The following ASB3 variants were observed in gnomAD, a reference collection of about 807,000 sequenced individuals.
The protein encoded by ASB3 is ankyrin repeat and SOCS box protein 3.
A neutral mutation model predicts 54.5 loss-of-function variants in ASB3; 41 were observed. The observed-to-expected ratio is 0.75, with a 90% CI of 0.59 to 0.98. The LOEUF (loss-of-function observed/expected upper bound fraction) is 0.98. Ranked by LOEUF, ASB3 falls within the 50% of genes least tolerant of loss-of-function variation. The probability of loss-of-function intolerance (pLI) is 0.00; values close to 1 mark genes in which losing one functional copy is unlikely to be tolerated. For missense variants in ASB3, 733 were observed against 620.0 expected (o/e 1.18, Z -1.94); for synonymous variants, 266 against 221.2 (o/e 1.20, Z -1.80).
intron 3 of ASB3, among the ~76,000 whole-genome samples, chr2:53,731,714 G>A (rs1472461381): frequency 5.3e-5 from 8 of 152,080 alleles, no homozygotes; most frequent in Non-Finnish European, 7.4e-5. Flanking sequence ...ATGCAATGGC[G>A]TGATCTCAGC....
rs989361695 is a variant in ASB3, at chr2:53,725,750, G to A, written c.604+2962C>T. Among the ~76,000 whole-genome samples the A allele has an allele frequency of 2.0e-5, 3 of 152,096 alleles. No individual in the cohort carries two copies. The South Asian group carries it at 6.2e-4, about 31-fold the overall frequency. On this transcript the variant is annotated intron_variant, in intron 5 of 9. Coordinates refer to ENST00000263634, the MANE Select transcript of ASB3 (RefSeq NM_016115.5). ...CACCTTGAATAAACCAAAGTTTTAT[G>A]TACGCAAAAACTACACAGAACACAA...
intron 3 of ASB3, among the ~76,000 whole-genome samples, chr2:53,733,258 TTAACTC>T (rs1477633803): frequency 6.6e-6 from 1 of 152,154 alleles, no homozygotes; most frequent in Non-Finnish European, 1.5e-5. Context: ...CAACAGCAAA[TTAACTC>T]TATCCAATTG....
chr2:53,714,115 G>C (rs535511453), intron 7 of ASB3, among the ~76,000 whole-genome samples: 2 of 152,094 alleles, frequency 1.3e-5, no homozygotes, highest in African/African-American at 4.8e-5. Context: ...GCAAATTTCT[G>C]CGTCTACTTA....
intron 7 of ASB3, among the ~76,000 whole-genome samples, chr2:53,705,578 G>A (rs975807376): frequency 3.9e-5 from 6 of 151,996 alleles, no homozygotes; most frequent in Non-Finnish European, 8.8e-5. Context: ...TCCTGTTTGG[G>A]TTTAACAGGC....
intron 3 of ASB3, among the ~76,000 whole-genome samples, chr2:53,746,467 T>A (rs1197472603): frequency 6.6e-6 from 1 of 150,488 alleles, no homozygotes; most frequent in Admixed American, 6.6e-5. Flanking sequence ...CCACACACTG[T>A]TTTTTGGGGG....
intron 3 of ASB3, among the ~76,000 whole-genome samples, chr2:53,740,667 G>A (rs1403998487): frequency 1.3e-5 from 2 of 152,108 alleles, no homozygotes. Context: ...ATGATCTTCT[G>A]GGCAAAACTC....
At chr2:53,740,724 C>G (rs1671887510) in intron 3 of ASB3, among the ~76,000 whole-genome samples, 1 of 152,074 alleles carries the variant, frequency 6.6e-6, no homozygotes, top group Non-Finnish European at 1.5e-5. Flanking sequence ...TATCCCAATC[C>G]AATCATCCAC....
At chr2:53,735,611 G>A (rs1339515994) in intron 3 of ASB3, among the ~76,000 whole-genome samples, 6 of 151,690 alleles carry the variant, frequency 4.0e-5, no homozygotes, top group South Asian at 2.1e-4. Context: ...ACCCAAAGGT[G>A]CTACAGGTAT....
chr2:53,704,141 A>T (rs1315626974), intron 7 of ASB3, among the ~76,000 whole-genome samples: 3 of 152,140 alleles, frequency 2.0e-5, no homozygotes, highest in Non-Finnish European at 4.4e-5. Context: ...CGGACAGATC[A>T]CTTGAGGCCA....
chr2:53,757,566 G>A (rs555001204), intron 2 of ASB3, among the ~76,000 whole-genome samples: 5 of 152,130 alleles, frequency 3.3e-5, no homozygotes, highest in African/African-American at 7.2e-5. Flanking sequence ...TACTTCCTCC[G>A]ATCCCTGCCT....
chr2:53,748,904 T>G (rs910183360), intron 3 of ASB3, among the ~76,000 whole-genome samples: 2 of 152,176 alleles, frequency 1.3e-5, no homozygotes, highest in African/African-American at 4.8e-5. Flanking sequence ...AACTTCCTGA[T>G]AAGATTATGA....
In ASB3 at chr2:53,670,307, T is replaced by C; in HGVS notation, c.*196A>G. ...GATGTTTACAATTTTTTTTTTTTTT[T>C]TTTTTTTTTTTACTGGGAAGGCTAG... On this transcript the variant is annotated 3_prime_UTR_variant, in exon 10 of 10. Coordinates refer to ENST00000263634, the MANE Select transcript of ASB3 (RefSeq NM_016115.5). The C allele has an allele frequency of 3.0e-5, 9 of 297,686 alleles. No homozygotes were observed. The highest frequency in any genetic ancestry group is 4.2e-5 in the Non-Finnish European group (7 of 168,040). 18.4% of individuals were successfully genotyped at this position (297,686 alleles called of 1,614,324 possible). A position where few individuals can be genotyped will look rare whatever the true frequency, so the allele number is the denominator to read the frequency against.
chr2:53,749,718 G>A (rs1672415200), intron 3 of ASB3, among the ~76,000 whole-genome samples: 1 of 151,968 alleles, frequency 6.6e-6, no homozygotes, highest in African/African-American at 2.4e-5. Flanking sequence ...AAGGCTATAT[G>A]GTGTATATTA....
At chr2:53,700,795 T>A (rs557320299) in intron 7 of ASB3, among the ~76,000 whole-genome samples, 6 of 152,224 alleles carry the variant, frequency 3.9e-5, no homozygotes, top group African/African-American at 1.4e-4. Context: ...TTAAAAAAAA[T>A]TATCATTGAC....
intron 9 of ASB3, among the ~76,000 whole-genome samples, chr2:53,673,093 A>G (rs942718558): frequency 2.7e-5 from 4 of 149,240 alleles, no homozygotes; most frequent in Non-Finnish European, 6.0e-5. Context: ...CCAGCTGCAA[A>G]CACAGAGCAT....
intron 2 of ASB3, chr2:53,763,519 G>T (rs1356840618): frequency 5.9e-6 from 1 of 169,298 alleles, no homozygotes; most frequent in Non-Finnish European, 1.5e-5. Context: ...CCTATCTTCA[G>T]GGCAGACTGC....
intron 9 of ASB3, 150 bp downstream of exon 9, chr2:53,693,734 T>C (rs1669038093): frequency 8.9e-7 from 1 of 1,123,364 alleles, no homozygotes. Context: ...AGCCATCCCC[T>C]AACAACCCCA....
At chr2:53,751,907 T>A (rs775389903) in intron 2 of ASB3, among the ~76,000 whole-genome samples, 3 of 152,210 alleles carry the variant, frequency 2.0e-5, no homozygotes, top group Non-Finnish European at 4.4e-5. Flanking sequence ...TAAAAGGACA[T>A]ATCACAGAAA....
At chr2:53,731,427 A>C (rs554272243) in intron 3 of ASB3, among the ~76,000 whole-genome samples, 1 of 152,064 alleles carries the variant, frequency 6.6e-6, no homozygotes, top group Non-Finnish European at 1.5e-5. Flanking sequence ...ACAAAACAAA[A>C]CAAAAAACCA....
Sources: gnomAD v4.1 joint callset for allele counts (sites outside exome capture counted in the v4.1 genomes callset) on GRCh38, gnomAD v4.1.1 for gene constraint, MANE v1.5 for transcripts, NCBI Gene and HGNC (gene_info 2026-07-23, HGNC 2026-07-21) for gene names.